Variants in CDH2 observed in about 807,000 individuals in gnomAD.
CDH2 encodes cadherin-2.
A neutral mutation model predicts 92.0 loss-of-function variants in CDH2; 17 were observed. The ratio of observed to expected loss-of-function variants is 0.18; its 90% CI spans 0.13 to 0.28. CDH2 has a LOEUF of 0.28. Among genes scored for constraint, CDH2 ranks in the 10% least tolerant of loss-of-function variants. CDH2 has a pLI of 1.00. For synonymous variants in CDH2, 419 were observed against 415.9 expected (o/e 1.01, Z -0.09); for missense variants, 862 against 1,133.1 (o/e 0.76, Z 3.44).
downstream of CDH2, among the ~76,000 whole-genome samples, chr18:27,950,320 A>C (rs1200424885): frequency 6.6e-6 from 1 of 152,188 alleles, no homozygotes; most frequent in African/African-American, 2.4e-5. Flanking sequence ...GATAAATACA[A>C]GTGGAGAATT....
At chr18:27,983,948 T>C (rs1387904501) in intron 13 of CDH2, among the ~76,000 whole-genome samples, 2 of 152,250 alleles carry the variant, frequency 1.3e-5, no homozygotes, top group Non-Finnish European at 2.9e-5. Context: ...AAAGATTTAA[T>C]GACTCCTATT....
chr18:27,997,876 G>A (rs558577125), intron 7 of CDH2, among the ~76,000 whole-genome samples: 23 of 151,864 alleles, frequency 1.5e-4, no homozygotes, highest in Admixed American at 9.2e-4. Flanking sequence ...GCACAATCTC[G>A]GCTCACTGCA....
intron 14 of CDH2, among the ~76,000 whole-genome samples, chr18:27,979,773 C>G (rs1175568122): frequency 6.6e-6 from 1 of 152,036 alleles, no homozygotes; most frequent in South Asian, 2.1e-4. Context: ...TCTATGGTGA[C>G]AGAAATAAAA....
chr18:28,036,400 T>C lies in CDH2; in HGVS notation c.173-22491A>G, dbSNP rs1599052499. The C allele has an allele frequency of 2.9e-5, 23 of 799,710 alleles. No individual in the cohort carries two copies. The South Asian group carries it at 3.2e-4, about 11-fold the overall frequency. 49.5% of individuals were successfully genotyped at this position (799,710 alleles called of 1,614,324 possible). A position where few individuals can be genotyped will look rare whatever the true frequency, so the allele number is the denominator to read the frequency against. ...GTACTTTGTACATAAGTCTTCTCATTTTATGTTACTTTGTTTTCCAAGTTA... is the reference window on the plus strand; with the variant it reads ...GTACTTTGTACATAAGTCTTCTCATCTTATGTTACTTTGTTTTCCAAGTTA... On this transcript the variant is annotated intron_variant, in intron 2 of 15. Coordinates refer to ENST00000269141, the MANE Select transcript of CDH2 (RefSeq NM_001792.5).
intron 14 of CDH2, among the ~76,000 whole-genome samples, chr18:27,982,676 TA>T (rs1331439617): frequency 6.6e-6 from 1 of 152,058 alleles, no homozygotes; most frequent in African/African-American, 2.4e-5. Flanking sequence ...CTGTAAAGTA[TA>T]TTTATCATTA....
At chr18:28,167,269 T>C (rs1195250079) in intron 1 of CDH2, among the ~76,000 whole-genome samples, 1 of 152,206 alleles carries the variant, frequency 6.6e-6, no homozygotes, top group East Asian at 1.9e-4. Context: ...TTGGCTGAAG[T>C]GATATTGCCA....
intron 9 of CDH2, among the ~76,000 whole-genome samples, chr18:27,991,937 T>G (rs2012429360): frequency 6.6e-6 from 1 of 152,208 alleles, no homozygotes; most frequent in Admixed American, 6.5e-5. Flanking sequence ...TTTAACAGGC[T>G]TTTCCATTAT....
At chr18:28,036,738 G>A (rs1045327192) in intron 2 of CDH2, among the ~76,000 whole-genome samples, 1 of 152,122 alleles carries the variant, frequency 6.6e-6, no homozygotes, top group African/African-American at 2.4e-5. Context: ...TATTACATCT[G>A]ATTCACTGAT....
At chr18:28,079,505 T>G (rs573865076) in intron 2 of CDH2, among the ~76,000 whole-genome samples, 1 of 152,348 alleles carries the variant, frequency 6.6e-6, no homozygotes, top group South Asian at 2.1e-4. Flanking sequence ...ATTCTGCTTT[T>G]TAAGAGATCA....
intron 2 of CDH2, among the ~76,000 whole-genome samples, chr18:28,084,151 G>A (rs1278405962): frequency 1.3e-5 from 2 of 152,176 alleles, no homozygotes; most frequent in East Asian, 1.9e-4. Context: ...TTAATTCTCC[G>A]TATACCTATT....
At chr18:28,043,495 AATATATATATATATATAT>A (rs369458635) in intron 2 of CDH2, among the ~76,000 whole-genome samples, 2 of 87,404 alleles carry the variant, frequency 2.3e-5, no homozygotes, top group African/African-American at 9.7e-5. Flanking sequence ...TATATATATA[AATATATATATATATATAT>A]ATAAACAGGT....
intron 1 of CDH2, among the ~76,000 whole-genome samples, chr18:28,164,575 T>G (rs1181274220): frequency 6.6e-6 from 1 of 151,956 alleles, no homozygotes; most frequent in Non-Finnish European, 1.5e-5. Context: ...CACTCAACCC[T>G]CTCCTCTACA....
At chr18:28,176,757 A>C (rs1335074462) in intron 1 of CDH2, among the ~76,000 whole-genome samples, 1 of 151,380 alleles carries the variant, frequency 6.6e-6, no homozygotes, top group African/African-American at 2.4e-5. Flanking sequence ...GGCGCGAGAG[A>C]CCTACTGGCC....
intron 6 of CDH2, among the ~76,000 whole-genome samples, chr18:27,934,733 A>G (rs535976233): frequency 1.3e-5 from 2 of 152,058 alleles, no homozygotes; most frequent in Non-Finnish European, 2.9e-5. Context: ...TCAATTAACT[A>G]ATTTGGTACA....
At chr18:28,133,391 G>T (rs947879759) in intron 2 of CDH2, among the ~76,000 whole-genome samples, 6 of 151,858 alleles carry the variant, frequency 4.0e-5, no homozygotes, top group Admixed American at 6.6e-5. Context: ...AGACCATCCT[G>T]GCTAACACAG....
At chr18:27,988,844 G>A (rs1402240346) in intron 10 of CDH2, among the ~76,000 whole-genome samples, 178 bp from the exon 11 acceptor site, 1 of 152,190 alleles carries the variant, frequency 6.6e-6, no homozygotes, top group African/African-American at 2.4e-5. Flanking sequence ...GGCACATAAA[G>A]GTTGTGTTTG....
At chr18:27,935,891 C>T (rs1227818106) in intron 6 of CDH2, among the ~76,000 whole-genome samples, 1 of 152,114 alleles carries the variant, frequency 6.6e-6, no homozygotes, top group African/African-American at 2.4e-5. Flanking sequence ...GTTATTTTTT[C>T]ATTTCACATT....
At chr18:28,099,118 G>A (rs2015186647) in intron 2 of CDH2, among the ~76,000 whole-genome samples, 2 of 152,152 alleles carry the variant, frequency 1.3e-5, no homozygotes, top group South Asian at 4.2e-4. Flanking sequence ...TTATAAAAAT[G>A]ACATATCTGA....
At chr18:27,949,151 C>T (rs984469285), downstream of CDH2, among the ~76,000 whole-genome samples, 14 of 152,022 alleles carry the variant, frequency 9.2e-5, no homozygotes, top group South Asian at 1.0e-3. Flanking sequence ...AAAAAGAAGG[C>T]GGCCCTGGCT....
Sources: gnomAD v4.1 joint callset for allele counts (sites outside exome capture counted in the v4.1 genomes callset) on GRCh38, gnomAD v4.1.1 for gene constraint, MANE v1.5 for transcripts, NCBI Gene and HGNC (gene_info 2026-07-23, HGNC 2026-07-21) for gene names.